KIR3DL1: variants seen among roughly 807,000 people sequenced by gnomAD.
KIR3DL1 encodes killer cell immunoglobulin-like receptor 3DL1.
In KIR3DL1, 50 loss-of-function variants were observed where a neutral mutation model predicts 40.3. The observed-to-expected ratio is 1.24, with a 90% CI of 0.99 to 1.57. The LOEUF is 1.57. KIR3DL1 is among the 40% of genes most tolerant of loss of function. KIR3DL1 has a pLI of 0.00. For synonymous variants in KIR3DL1, 257 were observed against 207.2 expected (o/e 1.24, Z -2.07); for missense variants, 661 against 559.9 (o/e 1.18, Z -1.82).
intron 1 of KIR3DL1, 22 bp from the exon 2 acceptor site, chr19:54,817,512 C>G: frequency 2.0e-6 from 3 of 1,493,260 alleles, no homozygotes; most frequent in Non-Finnish European, 2.7e-6. Context: ...GAGGGATGGT[C>G]CATCATGATC....
In KIR3DL1 at chr19:54,829,218, G is replaced by T. The variant is rs1171062856; in HGVS notation, c.1001-143G>T. The T allele has an allele frequency of 4.8e-5, 33 of 691,844 alleles. 3 individuals are homozygous for T. The Admixed American group carries it at 5.0e-4, about 10-fold the overall frequency. The allele number at this position is 691,844 out of a possible 1,614,324, so 42.9% of individuals were successfully genotyped here. ...TATGAGAGCTATAACTGAGAAAGCA[G>T]GAGGAAGCTAGATCTCCCGCCATCT... On this transcript the variant is annotated intron_variant, in intron 6 of 8. Transcript: ENST00000391728.
At chr19:54,817,198 T>A (rs1278196323) in intron 1 of KIR3DL1, among the ~76,000 whole-genome samples, 1 of 143,316 alleles carries the variant, frequency 7.0e-6, no homozygotes, top group Non-Finnish European at 1.5e-5. Context: ...AGTGGATATA[T>A]GAGCCTGGAG....
chr19:54,819,781 C>T (rs756426146), exon 4 of KIR3DL1: 2 of 1,611,220 alleles, frequency 1.2e-6, no homozygotes, highest in Non-Finnish European at 1.7e-6. Flanking sequence ...GAGAGTCATC[C>T]TGCAATGTTG....
chr19:54,817,276 G>A (rs1449358530), intron 1 of KIR3DL1, among the ~76,000 whole-genome samples: 1 of 146,046 alleles, frequency 6.8e-6, no homozygotes, highest in Non-Finnish European at 1.5e-5. Flanking sequence ...AGGAGATATG[G>A]GCCTGGAGTG....
In KIR3DL1 at chr19:54,830,502, G is replaced by T. The variant is rs77096363; in HGVS notation, c.*227G>T. The T allele has an allele frequency of 1.3e-4, 77 of 570,994 alleles. 6 individuals are homozygous for T. The highest frequency in any genetic ancestry group is 2.1e-4 in the Non-Finnish European group (70 of 338,300). The allele number at this position is 570,994 out of a possible 1,614,324, so 35.4% of individuals were successfully genotyped here. ...AACACACTCCTTTGCTTAGCCCACA[G>T]TTCTCCATTTCACTTGACCCCTGCC... On this transcript the variant is annotated 3_prime_UTR_variant, in exon 9 of 9. Coordinates refer to ENST00000391728, the Ensembl canonical transcript of KIR3DL1.
chr19:54,828,465 G>A (rs2062024489), intron 6 of KIR3DL1, among the ~76,000 whole-genome samples: 1 of 151,112 alleles, frequency 6.6e-6, no homozygotes, highest in African/African-American at 2.5e-5. Flanking sequence ...ATTACTAACA[G>A]ATAAGCAGCG....
intron 6 of KIR3DL1, among the ~76,000 whole-genome samples, chr19:54,826,771 G>A (rs1489677668): frequency 2.3e-4 from 35 of 151,290 alleles, no homozygotes; most frequent in South Asian, 4.2e-4. Flanking sequence ...GCTGTCAGCC[G>A]TGAAGGCAGA....
In KIR3DL1 at chr19:54,829,504, A is replaced by T. The variant is rs755045869; in HGVS notation, c.1105+39A>T. On this transcript the variant is annotated intron_variant, in intron 7 of 8. Coordinates refer to ENST00000391728, the Ensembl canonical transcript of KIR3DL1. Reference sequence around the variant, plus strand: ...GGCACAGGCCAGAGAGCTCAGGGCCATGTGGGGAAGCAGGATGGGAGCACA... The same window carrying T: ...GGCACAGGCCAGAGAGCTCAGGGCCTTGTGGGGAAGCAGGATGGGAGCACA... 1.1e-5 allele frequency: 15 copies of T among 1,378,084 alleles called. 3 individuals are homozygous for T. Among genetic ancestry groups the T allele is most frequent in the Non-Finnish European group, 1.5e-5 (15 of 1,005,398 alleles). The allele number at this position is 1,378,084 out of a possible 1,614,324, so 85.4% of individuals were successfully genotyped here. A position where few individuals can be genotyped will look rare whatever the true frequency, so the allele number is the denominator to read the frequency against.
intron 6 of KIR3DL1, among the ~76,000 whole-genome samples, chr19:54,826,742 G>C (rs1220189491): frequency 6.6e-6 from 1 of 151,138 alleles, no homozygotes; most frequent in Non-Finnish European, 1.5e-5. Flanking sequence ...AAGATTGGCG[G>C]AAGGATTTTC....
At chr19:54,825,932 C>T (rs1266435824) in intron 6 of KIR3DL1, among the ~76,000 whole-genome samples, 1 of 151,248 alleles carries the variant, frequency 6.6e-6, no homozygotes, top group East Asian at 1.9e-4. Flanking sequence ...ATGCTGCTCT[C>T]CCTTCTTCCT....
chr19:54,822,494 G>A, intron 5 of KIR3DL1, among the ~76,000 whole-genome samples: 1 of 150,100 alleles, frequency 6.7e-6, no homozygotes, highest in Non-Finnish European at 1.5e-5. Flanking sequence ...CGAGCATGCT[G>A]GCATGCACCT....
chr19:54,829,737 A>C (rs1228297409), intron 7 of KIR3DL1, among the ~76,000 whole-genome samples, 191 bp from the exon 8 acceptor site: 6 of 141,116 alleles, frequency 4.3e-5, no homozygotes. Flanking sequence ...AGACAGAATC[A>C]ATGGGATGGG....
Position 54,821,663 on chromosome 19 carries a change from A to G in KIR3DL1, c.754A>G (p.Met252Val). The change falls in exon 5 of 9, where the codon ATG becomes GTG. Residue 252 changes from methionine to valine, a missense_variant. Physicochemically the swap from Met to Val is conservative, Grantham distance 21 (BLOSUM62 1). Coordinates refer to ENST00000391728, the Ensembl canonical transcript of KIR3DL1. ...CTGTAGCTCCCGGAGCTCCTATGAC[A>G]TGTACCATCTATCCAGGGAGGGGGG... 4 of 1,609,966 alleles carry G rather than the reference A, an allele frequency of 2.5e-6. No homozygotes were observed. The African/African-American group carries it at 4.0e-5, about 16-fold the overall frequency.
intron 6 of KIR3DL1, among the ~76,000 whole-genome samples, chr19:54,827,187 C>T (rs1601416406): frequency 6.7e-6 from 1 of 149,360 alleles, no homozygotes; most frequent in Non-Finnish European, 1.5e-5. Flanking sequence ...TTGTTTAATC[C>T]TTGCTAAATT....
In KIR3DL1 at chr19:54,826,271, A is replaced by G. The variant is rs1403895286; in HGVS notation, c.1000+1193A>G. Among the ~76,000 whole-genome samples, 254 of 150,116 alleles carry G rather than the reference A, an allele frequency of 1.7e-3. 4 individuals carry two copies. Among genetic ancestry groups the G allele is most frequent in the Non-Finnish European group, 3.1e-3 (208 of 67,812 alleles). On this transcript the variant is annotated intron_variant, in intron 6 of 8. Transcript: ENST00000391728. Reference sequence around the variant, plus strand: ...GAGTGCACAAGTGGACCAATAAATGAATGATCCATTGGGAAGCATCTGTGC... The same window carrying G: ...GAGTGCACAAGTGGACCAATAAATGGATGATCCATTGGGAAGCATCTGTGC...
intron 5 of KIR3DL1, among the ~76,000 whole-genome samples, chr19:54,822,564 G>T (rs1569451339): frequency 6.7e-6 from 1 of 150,172 alleles, no homozygotes; most frequent in African/African-American, 2.5e-5. Flanking sequence ...GGAGGCAGAG[G>T]TTGCACTGAG....
In KIR3DL1 at chr19:54,827,570, GC is replaced by G. The variant is rs1414785746; in HGVS notation, c.1001-1790del. Among the ~76,000 whole-genome samples, 4 of 150,304 alleles carry G rather than the reference GC, an allele frequency of 2.7e-5. 1 individual carries two copies. The highest frequency in any genetic ancestry group is 9.9e-5 in the African/African-American group (4 of 40,224). ...GTGGAGGTTGCAGTGAGTGGAGATCGCATCACTGCACTCCAGCCTGGGTGAC... is the reference window on the plus strand; with the variant it reads ...GTGGAGGTTGCAGTGAGTGGAGATCGATCACTGCACTCCAGCCTGGGTGAC... On this transcript the variant is annotated intron_variant, in intron 6 of 8. Coordinates refer to ENST00000391728, the Ensembl canonical transcript of KIR3DL1.
At chr19:54,819,015 G>A (rs1319387016) in intron 3 of KIR3DL1, among the ~76,000 whole-genome samples, 1 of 151,044 alleles carries the variant, frequency 6.6e-6, no homozygotes, top group Non-Finnish European at 1.5e-5. Context: ...TGAAGGTGGA[G>A]GAAGACCACT....
At chr19:54,825,563 T>A (rs1450959129) in intron 6 of KIR3DL1, among the ~76,000 whole-genome samples, 1 of 150,008 alleles carries the variant, frequency 6.7e-6, no homozygotes, top group Admixed American at 6.6e-5. Context: ...TTCGACTCAC[T>A]GACTCATTCA....
Sources: allele counts gnomAD v4.1 joint callset (sites outside exome capture counted in the v4.1 genomes callset), GRCh38; gene constraint gnomAD v4.1.1; transcripts MANE v1.5; gene names NCBI Gene and HGNC (gene_info 2026-07-23, HGNC 2026-07-21).